Variants in INPP5A observed in about 807,000 individuals in gnomAD.
The protein encoded by INPP5A is 43 kDa inositol polyphosphate 5-phophatase.
INPP5A carries 14 observed loss-of-function variants against 65.2 expected under a neutral mutation model. The observed-to-expected ratio is 0.21, with a 90% CI of 0.14 to 0.34. The LOEUF is 0.34. INPP5A is among the 10% of genes least tolerant of loss of function. The probability of loss-of-function intolerance (pLI) is 1.00; values close to 1 mark genes in which losing one functional copy is unlikely to be tolerated. For synonymous variants in INPP5A, 207 were observed against 208.3 expected (o/e 0.99, Z 0.05); for missense variants, 431 against 545.6 (o/e 0.79, Z 2.09).
At chr10:132,655,364 C>T (rs559966038) in intron 4 of INPP5A, among the ~76,000 whole-genome samples, 11 of 152,290 alleles carry the variant, frequency 7.2e-5, no homozygotes, top group East Asian at 1.9e-4. Flanking sequence ...TCTTAGCCAC[C>T]GCGGTGCATC....
At chr10:132,604,369 G>T (rs1236188911) in intron 1 of INPP5A, among the ~76,000 whole-genome samples, 2 of 151,874 alleles carry the variant, frequency 1.3e-5, no homozygotes, top group East Asian at 3.9e-4. Context: ...TGTGCTGTCA[G>T]GGTCCCCTCT....
Position 132,782,196 on chromosome 10 carries a change from GCCT to G in INPP5A, c.*169_*171del. On this transcript the variant is annotated 3_prime_UTR_variant, in exon 16 of 16. Transcript: ENST00000368594. This position sits in a 1 kb window ranked among gnomAD's most constrained non-coding sequence, Gnocchi z 4.4. ...TCAGCCTCCGGACCATTCCGGAGCA[GCCT>G]CACATACCTCACTGTCTCGTCTGTC... The G allele has an allele frequency of 5.0e-6, 5 of 991,136 alleles. No individual in the cohort carries two copies. In the South Asian group the frequency reaches 7.0e-5, roughly 14 times the overall value. The allele number at this position is 991,136 out of a possible 1,614,324, so 61.4% of individuals were successfully genotyped here.
Position 132,762,937 on chromosome 10 carries a change from C to T in INPP5A, c.904-2836C>T, listed in dbSNP as rs533792499. ...CCAGGAGGCAGAGGTTGCAGTGAGC[C>T]GAGATCACATCACTGCACTCCAGCC... On this transcript the variant is annotated intron_variant, in intron 11 of 15. Transcript: ENST00000368594. The surrounding 1 kb of genome is among the most constrained non-coding windows in gnomAD (Gnocchi z 4.6). Among the ~76,000 whole-genome samples, 163 of 152,192 alleles carry T rather than the reference C, an allele frequency of 1.1e-3. No homozygotes were observed. Among genetic ancestry groups the T allele is most frequent in the African/African-American group, 3.6e-3 (151 of 41,506 alleles).
At chr10:132,774,148 C>T (rs138695487) in intron 12 of INPP5A, among the ~76,000 whole-genome samples, 1 of 152,078 alleles carries the variant, frequency 6.6e-6, no homozygotes, top group Non-Finnish European at 1.5e-5. Flanking sequence ...TTAGTTCTTT[C>T]TCTTTGGTTT....
At chr10:132,757,504 G>A (rs950436820) in intron 11 of INPP5A, among the ~76,000 whole-genome samples, 8 of 152,246 alleles carry the variant, frequency 5.3e-5, no homozygotes, top group South Asian at 2.1e-4. Context: ...GCCTCCCACT[G>A]TACAGCCCAG....
intron 2 of INPP5A, among the ~76,000 whole-genome samples, chr10:132,621,140 A>G (rs536595675): frequency 6.6e-6 from 1 of 152,364 alleles, no homozygotes; most frequent in East Asian, 1.9e-4. Context: ...AAGGGCATCT[A>G]TCTACAGAGC....
intron 1 of INPP5A, among the ~76,000 whole-genome samples, chr10:132,556,535 C>T (rs2071129291): frequency 1.3e-5 from 2 of 152,152 alleles, no homozygotes; most frequent in Non-Finnish European, 2.9e-5. Flanking sequence ...TGCATATGTA[C>T]ACACCATACA....
intron 11 of INPP5A, among the ~76,000 whole-genome samples, chr10:132,752,729 GGT>G (rs1461874391): frequency 1.3e-5 from 2 of 151,620 alleles, no homozygotes; most frequent in African/African-American, 4.9e-5. Flanking sequence ...GGCATGGAGG[GGT>G]GTGTCTAGAG....
intron 4 of INPP5A, among the ~76,000 whole-genome samples, chr10:132,682,343 G>A (rs1356729829): frequency 2.0e-5 from 3 of 152,186 alleles, no homozygotes; most frequent in African/African-American, 4.8e-5. Flanking sequence ...CGTTAGGCGC[G>A]GACTGCGTGC....
In INPP5A at chr10:132,538,190, C is replaced by A; in HGVS notation, c.75+19C>A. 1 of 1,265,192 alleles carries A rather than the reference C, an allele frequency of 7.9e-7. No homozygotes were observed. The allele number at this position is 1,265,192 out of a possible 1,614,324, so 78.4% of individuals were successfully genotyped here. On this transcript the variant is annotated intron_variant, in intron 1 of 15. Coordinates refer to ENST00000368594, the MANE Select transcript of INPP5A (RefSeq NM_005539.5). This position sits in a 1 kb window ranked among gnomAD's most constrained non-coding sequence, Gnocchi z 4.1. Reference sequence around the variant, plus strand: ...CGACGACGTAAGTCCCCCGTGCCGGCGGCAGGCCCCAAGCCCGGAACCCCC... The same window carrying A: ...CGACGACGTAAGTCCCCCGTGCCGGAGGCAGGCCCCAAGCCCGGAACCCCC...
intron 8 of INPP5A, among the ~76,000 whole-genome samples, chr10:132,724,035 T>C (rs1845941313): frequency 6.6e-6 from 1 of 152,224 alleles, no homozygotes; most frequent in Admixed American, 6.5e-5. Flanking sequence ...TTTCGTGGGC[T>C]TTGCCAAGCC....
Position 132,538,244 on chromosome 10 carries a change from A to T in INPP5A, c.75+73A>T. 3 of 894,510 alleles carry T rather than the reference A, an allele frequency of 3.4e-6. No individual in the cohort carries two copies. Among genetic ancestry groups the T allele is most frequent in the East Asian group, 3.7e-5 (1 of 27,322 alleles). The allele number at this position is 894,510 out of a possible 1,614,324, so 55.4% of individuals were successfully genotyped here. A position where few individuals can be genotyped will look rare whatever the true frequency, so the allele number is the denominator to read the frequency against. On this transcript the variant is annotated intron_variant, in intron 1 of 15. Coordinates refer to ENST00000368594, the MANE Select transcript of INPP5A (RefSeq NM_005539.5). The surrounding 1 kb of genome is among the most constrained non-coding windows in gnomAD (Gnocchi z 4.1). ...CCTGACCCCGGGGTCCCGAACTGCA[A>T]GCCTTGGACCCTGGACCGTGAACCT...
chr10:132,778,282 AT>A (rs1258791183), intron 13 of INPP5A, among the ~76,000 whole-genome samples: 147 of 61,670 alleles, frequency 2.4e-3, no homozygotes, highest in African/African-American at 7.1e-3. Context: ...ATTTCCTGTG[AT>A]TTTTTTTTTT....
At chr10:132,685,422 G>A (rs747664171) in intron 4 of INPP5A, among the ~76,000 whole-genome samples, 7 of 152,256 alleles carry the variant, frequency 4.6e-5, no homozygotes, top group Non-Finnish European at 7.3e-5. Flanking sequence ...TTTCTGTCTC[G>A]AGCAGAGTGT....
chr10:132,611,351 GC>G (rs2071946129), intron 2 of INPP5A, among the ~76,000 whole-genome samples: 1 of 145,602 alleles, frequency 6.9e-6, no homozygotes, highest in East Asian at 2.2e-4. Flanking sequence ...CAGGGCAGAG[GC>G]CCTATCAGAG....
At chr10:132,654,108 A>G (rs1340784897) in intron 4 of INPP5A, among the ~76,000 whole-genome samples, 4 of 152,100 alleles carry the variant, frequency 2.6e-5, no homozygotes, top group Non-Finnish European at 5.9e-5. Context: ...CACCCTCACG[A>G]TGAGGGTTTC....
intron 1 of INPP5A, among the ~76,000 whole-genome samples, chr10:132,568,048 G>A (rs1294203480): frequency 6.6e-6 from 1 of 152,006 alleles, no homozygotes; most frequent in Non-Finnish European, 1.5e-5. Context: ...AAAATTAGCT[G>A]GGTGTGGTGG....
At chr10:132,573,231 G>A (rs568256202) in intron 1 of INPP5A, among the ~76,000 whole-genome samples, 3 of 146,414 alleles carry the variant, frequency 2.0e-5, no homozygotes, top group Non-Finnish European at 4.5e-5. Flanking sequence ...TGTGTGTGCT[G>A]TGTGAGGTTT....
Position 132,762,672 on chromosome 10 carries a change from GGCGAGCT to G in INPP5A, c.904-3098_904-3092del, listed in dbSNP as rs369211362. On this transcript the variant is annotated intron_variant, in intron 11 of 15. Coordinates refer to ENST00000368594, the MANE Select transcript of INPP5A (RefSeq NM_005539.5). The surrounding 1 kb of genome is among the most constrained non-coding windows in gnomAD (Gnocchi z 4.6). ...TAAAGCTTAAAAACATGTAGGCTGA[GGCGAGCT>G]GCTTTTTGTGGACTCATGCATGGCG... is the stretch of plus-strand genomic sequence containing the variant. 1.7e-3 allele frequency among the ~76,000 whole-genome samples: 255 copies of G among 152,284 alleles called. No individual in the cohort carries two copies. Among genetic ancestry groups the G allele is most frequent in the African/African-American group, 6.0e-3 (251 of 41,566 alleles).
Sources: allele counts gnomAD v4.1 joint callset (sites outside exome capture counted in the v4.1 genomes callset), GRCh38; gene constraint gnomAD v4.1.1; non-coding constraint Gnocchi (gnomAD v3.1); transcripts MANE v1.5; gene names NCBI Gene and HGNC (gene_info 2026-07-23, HGNC 2026-07-21).